SPAG17: variants seen among roughly 807,000 people sequenced by gnomAD.
The protein encoded by SPAG17 is sperm associated antigen 17.
A neutral mutation model predicts 273.6 loss-of-function variants in SPAG17; 169 were observed. The ratio of observed to expected loss-of-function variants is 0.62; its 90% CI spans 0.55 to 0.70. The LOEUF is 0.70. SPAG17 is among the 30% of genes least tolerant of loss of function. The pLI is 0.00. For missense variants in SPAG17, 2,557 were observed against 2,627.8 expected (o/e 0.97, Z 0.59); for synonymous variants, 825 against 873.2 (o/e 0.94, Z 0.97).
At chr1:118,176,939 C>T (rs1660723484) in intron 1 of SPAG17, among the ~76,000 whole-genome samples, 1 of 151,976 alleles carries the variant, frequency 6.6e-6, no homozygotes, top group Admixed American at 6.6e-5. Context: ...AAACAACTTG[C>T]TTCTGAATGA....
At chr1:117,963,735 C>A in intron 48 of SPAG17, 64 bp downstream of exon 48, 1 of 1,459,218 alleles carries the variant, frequency 6.9e-7, no homozygotes, top group Non-Finnish European at 9.3e-7. Context: ...GGGAAGAAAC[C>A]TGGGGTCTAA....
At chr1:118,156,039 T>C (rs1167442798) in intron 1 of SPAG17, among the ~76,000 whole-genome samples, 2 of 152,252 alleles carry the variant, frequency 1.3e-5, no homozygotes, top group Non-Finnish European at 2.9e-5. Flanking sequence ...AAGAATACTA[T>C]TAACGACCAT....
In SPAG17 at chr1:117,966,760, G is replaced by T. The variant is rs760063053; in HGVS notation, c.6388-7C>A. ...TCTGCATACCAGCTGCCACCTATAA[G>T]ACACAAGGTAGCTTTAGGACCAGAC... On this transcript the variant is annotated splice_region_variant and splice_polypyrimidine_tract_variant and intron_variant, in intron 46 of 48. Transcript: ENST00000336338. 2.8e-5 allele frequency: 45 copies of T among 1,604,440 alleles called. No individual in the cohort carries two copies. Among genetic ancestry groups the T allele is most frequent in the Non-Finnish European group, 3.6e-5 (42 of 1,176,902 alleles).
At chr1:118,151,506 G>T in intron 1 of SPAG17, 137 bp from the exon 2 acceptor site, 1 of 860,246 alleles carries the variant, frequency 1.2e-6, no homozygotes, top group Non-Finnish European at 1.6e-6. Context: ...AATGTATGTG[G>T]TTTTCTGATT....
At chr1:118,160,581 T>C (rs1659861259) in intron 1 of SPAG17, among the ~76,000 whole-genome samples, 1 of 152,250 alleles carries the variant, frequency 6.6e-6, no homozygotes, top group Non-Finnish European at 1.5e-5. Context: ...TACAAAGCCA[T>C]GGATATAATT....
In SPAG17 at chr1:118,061,811, TC is replaced by T. The variant is rs560335961; in HGVS notation, c.2540+4933del. Reference sequence around the variant, plus strand: ...CCTCAATAAAGCTAAAAAATACTTATCACGATTTCTAAAGAATGAATCAAAC... The same window carrying T: ...CCTCAATAAAGCTAAAAAATACTTATACGATTTCTAAAGAATGAATCAAAC... On this transcript the variant is annotated intron_variant, in intron 18 of 48. Coordinates refer to ENST00000336338, the MANE Select transcript of SPAG17 (RefSeq NM_206996.4). Among the ~76,000 whole-genome samples, 175 of 152,272 alleles carry T rather than the reference TC, an allele frequency of 1.1e-3. 2 individuals are homozygous for T. The highest frequency in any genetic ancestry group is 4.0e-3 in the African/African-American group (166 of 41,562).
intron 3 of SPAG17, among the ~76,000 whole-genome samples, chr1:118,149,921 T>C (rs1412900323): frequency 6.6e-6 from 1 of 152,196 alleles, no homozygotes; most frequent in Non-Finnish European, 1.5e-5. Context: ...AATCCCCTTA[T>C]ACGGAGAATG....
At chr1:118,116,763 C>T (rs568189581) in intron 3 of SPAG17, among the ~76,000 whole-genome samples, 1 of 152,204 alleles carries the variant, frequency 6.6e-6, no homozygotes, top group Non-Finnish European at 1.5e-5. Flanking sequence ...TTTAAAGCTG[C>T]CTTTTCTAAA....
chr1:118,033,763 A>C (rs918793777), intron 24 of SPAG17, among the ~76,000 whole-genome samples: 3 of 152,146 alleles, frequency 2.0e-5, no homozygotes, highest in Non-Finnish European at 2.9e-5. Flanking sequence ...GTTTTGACAC[A>C]ATTGTGTGTT....
chr1:117,987,915 G>A lies in SPAG17; in HGVS notation c.5622-34C>T. The stretch of plus-strand genomic sequence containing the variant: ...AAGGAAAGGAAAGTATGGTGAAAAG[G>A]GGCAATGATTTCAGCTTAAAAACAA... On this transcript the variant is annotated intron_variant, in intron 39 of 48. Transcript: ENST00000336338. 2.5e-6 allele frequency: 4 copies of A among 1,610,786 alleles called. 1 individual carries two copies.
chr1:118,135,953 T>C lies in SPAG17; in HGVS notation c.315+14590A>G, dbSNP rs114265766. Among the ~76,000 whole-genome samples, 688 of 152,322 alleles carry C rather than the reference T, an allele frequency of 4.5e-3. 5 individuals are homozygous for C. Among genetic ancestry groups the C allele is most frequent in the African/African-American group, 0.015 (640 of 41,574 alleles). On this transcript the variant is annotated intron_variant, in intron 3 of 48. Transcript: ENST00000336338. ...ACTTTGGATTTGGAGTCAGAATGAC[T>C]GGGTTCCATTGCGAGGTACTGTCAT... is the stretch of plus-strand genomic sequence containing the variant.
chr1:118,036,396 G>T (rs941700680), intron 24 of SPAG17, among the ~76,000 whole-genome samples: 6 of 151,728 alleles, frequency 4.0e-5, no homozygotes, highest in African/African-American at 9.7e-5. Context: ...CAACCAAAAG[G>T]CTCATTTTTA....
At chr1:117,957,024 C>T (rs368942798) in intron 48 of SPAG17, 76 of 1,492,144 alleles carry the variant, frequency 5.1e-5, no homozygotes, top group African/African-American at 1.3e-4. Context: ...ATGTTAACAA[C>T]GTTAACAAAT....
chr1:117,957,546 A>G (rs923166764), intron 48 of SPAG17, among the ~76,000 whole-genome samples: 2 of 152,222 alleles, frequency 1.3e-5, no homozygotes, highest in Non-Finnish European at 2.9e-5. Flanking sequence ...AAAGCCAATT[A>G]TGATTGGCCA....
intron 1 of SPAG17, among the ~76,000 whole-genome samples, chr1:118,162,667 C>G (rs1162425393): frequency 6.6e-6 from 1 of 152,176 alleles, no homozygotes; most frequent in Admixed American, 6.5e-5. Flanking sequence ...TGGGTACCTA[C>G]GTTGCATGTG....
chr1:118,096,826 A>C (rs1308716734), intron 7 of SPAG17, among the ~76,000 whole-genome samples: 2 of 152,188 alleles, frequency 1.3e-5, no homozygotes, highest in Non-Finnish European at 2.9e-5. Flanking sequence ...GCCTCTCTGC[A>C]AACTCCTCAA....
intron 24 of SPAG17, among the ~76,000 whole-genome samples, chr1:118,035,153 A>T (rs909982279): frequency 6.6e-6 from 1 of 152,222 alleles, no homozygotes; most frequent in Non-Finnish European, 1.5e-5. Context: ...TATAATTTTT[A>T]CAAAGACTTA....
intron 42 of SPAG17, among the ~76,000 whole-genome samples, chr1:117,983,010 C>T (rs1656007279): frequency 6.6e-6 from 1 of 152,104 alleles, no homozygotes; most frequent in East Asian, 1.9e-4. Flanking sequence ...TTGTATTAGT[C>T]GGTTTTCACA....
chr1:118,091,566 G>A (rs1319728020), intron 10 of SPAG17, 40 bp downstream of exon 10: 6 of 1,113,202 alleles, frequency 5.4e-6, no homozygotes, highest in East Asian at 2.4e-5. Flanking sequence ...AAGATGAAAC[G>A]ACTTACTCAA....
Sources: allele counts gnomAD v4.1 joint callset (sites outside exome capture counted in the v4.1 genomes callset), GRCh38; gene constraint gnomAD v4.1.1; transcripts MANE v1.5; gene names NCBI Gene and HGNC (gene_info 2026-07-23, HGNC 2026-07-21).